Variants in SH3TC2 observed in about 807,000 individuals in gnomAD.
SH3TC2 encodes SH3 domain and tetratricopeptide repeats 2, also known as SH3 domain and tetratricopeptide repeat-containing protein 2.
A neutral mutation model predicts 124.5 loss-of-function variants in SH3TC2; 87 were observed. The observed-to-expected ratio is 0.70, with a 90% CI of 0.59 to 0.84. The LOEUF (loss-of-function observed/expected upper bound fraction) is 0.84. SH3TC2 is among the 40% of genes least tolerant of loss of function. The pLI is 0.00. For missense variants in SH3TC2, 1,536 were observed against 1,566.4 expected, an observed-to-expected ratio of 0.98 and a Z score of 0.33; for synonymous variants, 634 against 628.5, an observed-to-expected ratio of 1.01 and a Z score of -0.13.
Position 149,001,896 on chromosome 5 carries a change from T to C in SH3TC2, c.*2815A>G, listed in dbSNP as rs1387803858. The C allele has an allele frequency of 2.0e-5, 3 of 152,374 alleles. No individual in the cohort carries two copies. Among genetic ancestry groups the C allele is most frequent in the African/African-American group, 7.2e-5 (3 of 41,590 alleles). The allele number at this position is 152,374 out of a possible 1,614,324, so 9.4% of individuals were successfully genotyped here. A position where few individuals can be genotyped will look rare whatever the true frequency, so the allele number is the denominator to read the frequency against. On this transcript the variant is annotated 3_prime_UTR_variant, in exon 17 of 17. Transcript: ENST00000515425. Reference sequence around the variant, plus strand: ...ATGTGTATGCATATGCAAATGCATGTGCATATTTGCAGCAATTGAGAAAGA... The same window carrying C: ...ATGTGTATGCATATGCAAATGCATGCGCATATTTGCAGCAATTGAGAAAGA...
At chr5:149,026,478 C>A in intron 12 of SH3TC2, 94 bp downstream of exon 12, 2 of 1,482,460 alleles carry the variant, frequency 1.3e-6, no homozygotes, top group South Asian at 1.1e-5. Flanking sequence ...CCGCCTATAC[C>A]ATGTACATTT....
At chr5:149,050,621 A>C (rs1754539827) in intron 2 of SH3TC2, among the ~76,000 whole-genome samples, 1 of 152,230 alleles carries the variant, frequency 6.6e-6, no homozygotes, top group Non-Finnish European at 1.5e-5. Context: ...ACAGATAAGC[A>C]GATTGACACA....
intron 16 of SH3TC2, 111 bp downstream of exon 16, chr5:149,006,766 ATCTT>A: frequency 1.9e-6 from 2 of 1,069,640 alleles, no homozygotes; most frequent in Non-Finnish European, 1.5e-6. Flanking sequence ...AAGACTTCTC[ATCTT>A]GGCACTCTGG....
Position 149,028,239 on chromosome 5 carries a change from A to G in SH3TC2, c.1493T>C (p.Phe498Ser). 1 of 1,614,050 alleles carries G rather than the reference A, an allele frequency of 6.2e-7. No homozygotes were observed. The highest frequency in any genetic ancestry group is 1.1e-5 in the South Asian group (1 of 91,080). ...CTCATCCTCCTCAGAGAAGCTATAA[A>G]AGGAAGAAGTGAGGAAAGAGAAGGA... ...DFSFSFLTSS[F>S]YSFSEEDEFV... Residue 498 changes from phenylalanine to serine, a missense_variant, in exon 11 of 17, where the codon TTT becomes TCT. This residue lies in a region of SH3TC2 where 1,102 missense variants were observed against 1,098.6 expected (regional missense o/e 1.00). Transcript: ENST00000515425.
intron 12 of SH3TC2, among the ~76,000 whole-genome samples, chr5:149,018,390 T>C (rs1376994060): frequency 6.6e-6 from 1 of 151,874 alleles, no homozygotes; most frequent in Non-Finnish European, 1.5e-5. Context: ...ATACCCAAGA[T>C]TGGGTAAATT....
chr5:149,031,431 G>T, intron 9 of SH3TC2, 123 bp downstream of exon 9: 1 of 1,293,892 alleles, frequency 7.7e-7, no homozygotes, highest in Non-Finnish European at 1.1e-6. Context: ...ACAGAATAGT[G>T]GTCATGGCCA....
chr5:149,046,833 A>T (rs1028568653), intron 3 of SH3TC2: 3 of 152,222 alleles, frequency 2.0e-5, no homozygotes, highest in African/African-American at 7.2e-5. Context: ...TATTAAAAAA[A>T]ATAAAATAAA....
At chr5:149,053,401 GTGATGTACA>G (rs1754590343) in intron 1 of SH3TC2, among the ~76,000 whole-genome samples, 1 of 152,204 alleles carries the variant, frequency 6.6e-6, no homozygotes. Flanking sequence ...ACTGTTTTGG[GTGATGTACA>G]TGAAGAATGA....
Position 149,052,750 on chromosome 5 carries a change from C to T in SH3TC2, c.53-510G>A, listed in dbSNP as rs2127403550. The stretch of plus-strand genomic sequence containing the variant: ...GTCAGGCCTGTCTTTCTTCCCAACT[C>T]TGAAAAGTTACTGTCTTCACAACGG... On this transcript the variant is annotated intron_variant, in intron 1 of 16. Transcript: ENST00000515425. Among the ~76,000 whole-genome samples, 4 of 152,192 alleles carry T rather than the reference C, an allele frequency of 2.6e-5. No homozygotes were observed. The Middle Eastern group carries it at 0.014, about 518-fold the overall frequency.
chr5:149,010,440 G>T, intron 13 of SH3TC2, 48 bp from the exon 14 acceptor site: 3 of 1,611,542 alleles, frequency 1.9e-6, no homozygotes, highest in Non-Finnish European at 2.5e-6. Context: ...AGGGCTTCCT[G>T]ACCTCCACAG....
chr5:149,008,667 G>T, intron 15 of SH3TC2, 184 bp downstream of exon 15: 3 of 743,554 alleles, frequency 4.0e-6, no homozygotes, highest in Non-Finnish European at 6.8e-6. Context: ...TCCTGATTTG[G>T]TGATGACAAG....
chr5:149,039,159 C>G (rs1342112712), intron 7 of SH3TC2, among the ~76,000 whole-genome samples: 1 of 152,228 alleles, frequency 6.6e-6, no homozygotes, highest in African/African-American at 2.4e-5. Context: ...GACTATGGTA[C>G]TCAATCTGAT....
chr5:149,012,350 G>T (rs983371662), intron 13 of SH3TC2, among the ~76,000 whole-genome samples: 2 of 152,140 alleles, frequency 1.3e-5, no homozygotes, highest in Non-Finnish European at 2.9e-5. Context: ...TCCTCCCAGG[G>T]TGCACACATG....
At chr5:149,006,587 C>T (rs1373820362) in intron 16 of SH3TC2, among the ~76,000 whole-genome samples, 3 of 152,070 alleles carry the variant, frequency 2.0e-5, no homozygotes, top group African/African-American at 7.2e-5. Flanking sequence ...GGCAATGTGC[C>T]TGTAGTATCT....
At position 149,026,760 on chromosome 5, in the gene SH3TC2, C is replaced by G; in HGVS notation, c.2873-8G>C. The G allele has an allele frequency of 6.2e-7, 1 of 1,614,154 alleles. No individual in the cohort carries two copies. Among genetic ancestry groups the G allele is most frequent in the Non-Finnish European group, 8.5e-7 (1 of 1,180,022 alleles). On this transcript the variant is annotated splice_polypyrimidine_tract_variant and splice_region_variant and intron_variant, in intron 11 of 16. Coordinates refer to ENST00000515425, the MANE Select transcript of SH3TC2 (RefSeq NM_024577.4). The stretch of plus-strand genomic sequence containing the variant: ...TGGTGGCCTGAAGCTGACCTGAACA[C>G]AAAGCAGGGACATGAATGAGATGAC...
At position 148,998,978 on chromosome 5, in the gene SH3TC2, G is replaced by T. The variant is rs1450092340; in HGVS notation, c.*5733C>A. Among the ~76,000 whole-genome samples, 1 of 152,164 alleles carries T rather than the reference G, an allele frequency of 6.6e-6. No homozygotes were observed. The highest frequency in any genetic ancestry group is 1.5e-5 in the Non-Finnish European group (1 of 68,024). On this transcript the variant is annotated 3_prime_UTR_variant, in exon 17 of 17. Coordinates refer to ENST00000515425, the MANE Select transcript of SH3TC2 (RefSeq NM_024577.4). The stretch of plus-strand genomic sequence containing the variant: ...CACACCCTCCCGCTTAACGGTGTGG[G>T]ACCCAGGAATAGATGTGCTTATTAA...
chr5:149,044,729 T>C, intron 3 of SH3TC2, 91 bp from the exon 4 acceptor site: 1 of 921,224 alleles, frequency 1.1e-6, no homozygotes, highest in Non-Finnish European at 1.8e-6. Flanking sequence ...TATGAACTTC[T>C]TGATTATGGC....
At position 149,028,377 on chromosome 5, in the gene SH3TC2, A is replaced by G. The variant is rs1235312791; in HGVS notation, c.1355T>C (p.Leu452Pro). Residue 452 changes from leucine to proline, a missense_variant, in exon 11 of 17, where the codon CTG (leucine) becomes CCG (proline). By Grantham distance (98) the Leu-to-Pro change is moderately conservative. Coordinates refer to ENST00000515425, the MANE Select transcript of SH3TC2 (RefSeq NM_024577.4). ...PEPDDLDDPE[L>P]LMDLSTGQEE... ...CTGACCAGTGCTTAGGTCCATGAGC[A>G]GTTCCGGGTCATCAAGGTCATCAGG... 3.1e-6 allele frequency: 5 copies of G among 1,614,172 alleles called. No homozygotes were observed. The East Asian group carries it at 8.9e-5, about 29-fold the overall frequency.
intron 8 of SH3TC2, chr5:149,034,487 C>T (rs750706742): frequency 2.4e-6 from 1 of 415,806 alleles, no homozygotes; most frequent in South Asian, 1.8e-5. Context: ...TGAAGAAAGA[C>T]ATGAATCTTC....
Sources: gnomAD v4.1 joint callset for allele counts (sites outside exome capture counted in the v4.1 genomes callset) on GRCh38, gnomAD v4.1.1 for gene constraint, gnomAD v4.1.1 regional missense constraint, MANE v1.5 for transcripts, NCBI Gene and HGNC (gene_info 2026-07-23, HGNC 2026-07-21) for gene names.